The following MYO1B variants were observed in gnomAD, a reference collection of about 807,000 sequenced individuals.
MYO1B encodes the protein unconventional myosin-Ib.
Under a neutral mutation model 159.7 loss-of-function variants are expected in MYO1B, and 72 were observed. That is an observed-to-expected ratio of 0.45 (90% confidence interval 0.37 to 0.55). The LOEUF (loss-of-function observed/expected upper bound fraction) is 0.55. Ranked by LOEUF, MYO1B falls within the 20% of genes least tolerant of loss-of-function variation. The probability of loss-of-function intolerance (pLI) is 0.00; values close to 1 mark genes in which losing one functional copy is unlikely to be tolerated. For synonymous variants in MYO1B, 468 were observed against 473.8 expected, an observed-to-expected ratio of 0.99 and a Z score of 0.16; for missense variants, 1,062 against 1,364.8, an observed-to-expected ratio of 0.78 and a Z score of 3.50.
chr2:191,361,454 T>C (rs1693664924), intron 8 of MYO1B, among the ~76,000 whole-genome samples: 1 of 151,988 alleles, frequency 6.6e-6, no homozygotes, highest in South Asian at 2.1e-4. Flanking sequence ...TAGCTAATGA[T>C]GAAAAGTAGT....
chr2:191,409,250 C>T, intron 26 of MYO1B, 72 bp downstream of exon 26: 1 of 1,471,222 alleles, frequency 6.8e-7, no homozygotes, highest in South Asian at 1.2e-5. Flanking sequence ...CACATAAAAT[C>T]AAAACTGTTA....
In MYO1B at chr2:191,387,443, T is replaced by G. The variant is rs1695461631; in HGVS notation, c.1774T>G (p.Tyr592Asp). The change falls in exon 17 of 31, where the codon TAT (tyrosine) becomes GAT (aspartate). Residue 592 changes from tyrosine to aspartate, a missense_variant. Physicochemically the swap from Tyr to Asp is radical, Grantham distance 160. This residue lies in a region of MYO1B where 609 missense variants were observed against 744.4 expected (regional missense o/e 0.82). Transcript: ENST00000392318. ...MKNLQTKNPN[Y>D]IRCIKPNDKK... ...AAACCTACAGACCAAGAACCCAAAC[T>G]ATATTAGGTATTTTTGGCACATGAA... The G allele has an allele frequency of 6.2e-7, 1 of 1,613,850 alleles. No homozygotes were observed. Among genetic ancestry groups the G allele is most frequent in the African/African-American group, 1.3e-5 (1 of 74,906 alleles).
chr2:191,359,430 G>A (rs1693521729), intron 7 of MYO1B, among the ~76,000 whole-genome samples: 1 of 151,142 alleles, frequency 6.6e-6, no homozygotes, highest in African/African-American at 2.4e-5. Flanking sequence ...AAAATCTGCA[G>A]CATCCTGCGC....
intron 3 of MYO1B, among the ~76,000 whole-genome samples, chr2:191,325,542 A>G (rs572671216): frequency 2.6e-5 from 4 of 152,296 alleles, no homozygotes; most frequent in East Asian, 3.9e-4. Flanking sequence ...AAGCAACTCT[A>G]TAGGGAAGAG....
chr2:191,268,314 G>A (rs1265038996), intron 1 of MYO1B, among the ~76,000 whole-genome samples: 4 of 152,182 alleles, frequency 2.6e-5, no homozygotes, highest in African/African-American at 4.8e-5. Context: ...CAGAGAAAGA[G>A]CGAACCCTGG....
At chr2:191,347,025 T>C (rs751408389) in intron 6 of MYO1B, among the ~76,000 whole-genome samples, 2 of 152,220 alleles carry the variant, frequency 1.3e-5, no homozygotes, top group Non-Finnish European at 2.9e-5. Flanking sequence ...GAAATTGATG[T>C]ATACATTTTT....
At chr2:191,291,620 A>G (rs1394436787) in intron 2 of MYO1B, among the ~76,000 whole-genome samples, 1 of 152,150 alleles carries the variant, frequency 6.6e-6, no homozygotes, top group Non-Finnish European at 1.5e-5. Context: ...AGGTTCAGAA[A>G]CGTGGAGGGG....
At chr2:191,326,768 ATATGTGTG>A (rs1358786086) in intron 3 of MYO1B, among the ~76,000 whole-genome samples, 32 of 109,220 alleles carry the variant, frequency 2.9e-4, no homozygotes, top group African/African-American at 1.1e-3. Context: ...GTGTTTGTAT[ATATGTGTG>A]TGTGTGTGTG....
chr2:191,383,179 G>A (rs1695143141), intron 14 of MYO1B, 101 bp from the exon 15 acceptor site: 2 of 669,866 alleles, frequency 3.0e-6, no homozygotes, highest in Non-Finnish European at 4.9e-6. Context: ...TAAATTCAGA[G>A]AGGAAGGGAA....
At chr2:191,356,535 C>T (rs207462751) in intron 7 of MYO1B, among the ~76,000 whole-genome samples, 1 of 151,870 alleles carries the variant, frequency 6.6e-6, no homozygotes, top group African/African-American at 2.4e-5. Flanking sequence ...CTTTGTTGTT[C>T]TTCATACAAA....
intron 1 of MYO1B, among the ~76,000 whole-genome samples, chr2:191,256,168 G>A (rs1361917768): frequency 1.3e-5 from 2 of 152,182 alleles, no homozygotes; most frequent in Non-Finnish European, 2.9e-5. Flanking sequence ...TAAGTCCTCT[G>A]TATAGTGAAA....
chr2:191,390,862 A>G (rs796071051), intron 18 of MYO1B, among the ~76,000 whole-genome samples: 3 of 152,346 alleles, frequency 2.0e-5, no homozygotes, highest in African/African-American at 7.2e-5. Context: ...GAATCAGTGG[A>G]TGGGTGAAGG....
At chr2:191,358,263 G>A (rs1440456975) in intron 7 of MYO1B, among the ~76,000 whole-genome samples, 1 of 152,140 alleles carries the variant, frequency 6.6e-6, no homozygotes, top group Non-Finnish European at 1.5e-5. Context: ...AAGGTGTTCA[G>A]GGTTGAATAT....
At chr2:191,327,197 C>T (rs1265532430) in intron 3 of MYO1B, among the ~76,000 whole-genome samples, 1 of 152,154 alleles carries the variant, frequency 6.6e-6, no homozygotes, top group Non-Finnish European at 1.5e-5. Flanking sequence ...AGGGACTTTG[C>T]CACTGCTTCG....
chr2:191,287,482 A>G (rs901736462), intron 2 of MYO1B, among the ~76,000 whole-genome samples: 1 of 151,886 alleles, frequency 6.6e-6, no homozygotes, highest in Admixed American at 6.6e-5. Context: ...GTGAGCCAAG[A>G]TCGCGCCATT....
At chr2:191,340,121 T>A (rs1692115887) in intron 4 of MYO1B, among the ~76,000 whole-genome samples, 1 of 152,126 alleles carries the variant, frequency 6.6e-6, no homozygotes, top group Admixed American at 6.5e-5. Flanking sequence ...TATGTTTTCT[T>A]CTGCCAACAT....
rs1170551722 is a variant in MYO1B at position 191,329,097 on chromosome 2, C to T, written c.252-838C>T. Reference sequence around the variant, plus strand: ...TTAATAAATGAAGTGAGGACTTTACCTATTTTAAATACATTGTCTTATTGT... The same window carrying T: ...TTAATAAATGAAGTGAGGACTTTACTTATTTTAAATACATTGTCTTATTGT... On this transcript the variant is annotated intron_variant, in intron 3 of 30. Transcript: ENST00000392318. Among the ~76,000 whole-genome samples the T allele has an allele frequency of 2.6e-5, 4 of 152,068 alleles. No individual in the cohort carries two copies. In the South Asian group the frequency reaches 6.2e-4, roughly 24 times the overall value.
At chr2:191,351,674 CTCA>C (rs1692935707) in intron 7 of MYO1B, among the ~76,000 whole-genome samples, 1 of 152,136 alleles carries the variant, frequency 6.6e-6, no homozygotes, top group South Asian at 2.1e-4. Flanking sequence ...ATCACCTGAG[CTCA>C]TCAGTTTGAG....
chr2:191,360,350 A>G (rs1693583596), intron 7 of MYO1B, among the ~76,000 whole-genome samples: 1 of 152,216 alleles, frequency 6.6e-6, no homozygotes, highest in South Asian at 2.1e-4. Context: ...GTCATCATAA[A>G]AAACCAAGAG....
Sources: gnomAD v4.1 joint callset for allele counts (sites outside exome capture counted in the v4.1 genomes callset) on GRCh38, gnomAD v4.1.1 for gene constraint, gnomAD v4.1.1 regional missense constraint, MANE v1.5 for transcripts, NCBI Gene and HGNC (gene_info 2026-07-23, HGNC 2026-07-21) for gene names.